ERG: variants seen among roughly 807,000 people sequenced by gnomAD.
The protein encoded by ERG is ETS transcription factor ERG, also known as transcriptional regulator ERG.
ERG carries 9 observed loss-of-function variants against 55.3 expected under a neutral mutation model. The ratio of observed to expected loss-of-function variants is 0.16; its 90% CI spans 0.10 to 0.28. ERG has a LOEUF of 0.28. Ranked by LOEUF, ERG falls within the 10% of genes least tolerant of loss-of-function variation. The pLI is 1.00. For synonymous variants in ERG, 223 were observed against 237.3 expected (o/e 0.94, Z 0.55); for missense variants, 434 against 631.6 (o/e 0.69, Z 3.35).
Position 38,380,882 on chromosome 21 carries a change from G to C in ERG, c.*2521C>G, listed in dbSNP as rs1308993048. ...GAACTGAGTGATTATCCAAGTAAATGTGTATTTCTATGAAGAATGTAGGTG... is the reference window on the plus strand; with the variant it reads ...GAACTGAGTGATTATCCAAGTAAATCTGTATTTCTATGAAGAATGTAGGTG... On this transcript the variant is annotated 3_prime_UTR_variant, in exon 10 of 10. Transcript: ENST00000288319. 4 of 1,064,978 alleles carry C rather than the reference G, an allele frequency of 3.8e-6. No homozygotes were observed. Among genetic ancestry groups the C allele is most frequent in the Non-Finnish European group, 4.6e-6 (4 of 879,108 alleles). 66.0% of individuals were successfully genotyped at this position (1,064,978 alleles called of 1,614,324 possible). A position where few individuals can be genotyped will look rare whatever the true frequency, so the allele number is the denominator to read the frequency against.
At chr21:38,503,333 G>A (rs1000904979), upstream of ERG, among the ~76,000 whole-genome samples, 8 of 150,462 alleles carry the variant, frequency 5.3e-5, no homozygotes, top group African/African-American at 1.7e-4. Flanking sequence ...CCAAATGCCT[G>A]TTCTTTTTTA....
intron 3 of ERG, among the ~76,000 whole-genome samples, chr21:38,411,227 T>C (rs1019598517): frequency 2.0e-5 from 3 of 152,258 alleles, no homozygotes; most frequent in African/African-American, 7.2e-5. Flanking sequence ...ATTTCTAACT[T>C]ATATGTAGAG....
intron 1 of ERG, among the ~76,000 whole-genome samples, chr21:38,632,103 C>A (rs1035750165): frequency 2.0e-5 from 3 of 152,086 alleles, no homozygotes; most frequent in African/African-American, 7.2e-5. Context: ...CAAAGCAGGA[C>A]TCTGTAGCCA....
At chr21:38,654,921 CA>C (rs2060510045) in intron 1 of ERG, among the ~76,000 whole-genome samples, 1 of 148,740 alleles carries the variant, frequency 6.7e-6, no homozygotes, top group Non-Finnish European at 1.5e-5. Context: ...AATGAGAATC[CA>C]TTCAACATAT....
intron 2 of ERG, among the ~76,000 whole-genome samples, chr21:38,436,016 TTTTC>T (rs1990426016): frequency 9.8e-6 from 1 of 102,332 alleles, no homozygotes; most frequent in Non-Finnish European, 2.0e-5. Flanking sequence ...TACTTTCTTT[TTTTC>T]TTTTTTTTTT....
intron 1 of ERG, among the ~76,000 whole-genome samples, chr21:38,629,774 A>G (rs2146955302): frequency 6.6e-6 from 1 of 152,360 alleles, no homozygotes; most frequent in South Asian, 2.1e-4. Flanking sequence ...AAGAATCAAA[A>G]GCAGGAATTC....
intron 1 of ERG, among the ~76,000 whole-genome samples, chr21:38,482,062 G>T (rs2059242977): frequency 6.6e-6 from 1 of 152,210 alleles, no homozygotes; most frequent in African/African-American, 2.4e-5. Context: ...CAGGCTATGG[G>T]TTGCCTGGAA....
At chr21:38,626,113 G>T (rs186324017) in intron 1 of ERG, among the ~76,000 whole-genome samples, 1 of 151,934 alleles carries the variant, frequency 6.6e-6, no homozygotes, top group South Asian at 2.1e-4. Context: ...GTAGAGACAG[G>T]GTTTCACTAT....
At chr21:38,476,751 G>A (rs1265143112) in intron 1 of ERG, among the ~76,000 whole-genome samples, 4 of 152,048 alleles carry the variant, frequency 2.6e-5, no homozygotes, top group African/African-American at 4.8e-5. Flanking sequence ...CCACGTAAAC[G>A]GCCTCTTTCT....
chr21:38,390,309 C>G (rs1987913067), intron 9 of ERG, among the ~76,000 whole-genome samples: 1 of 152,196 alleles, frequency 6.6e-6, no homozygotes, highest in Non-Finnish European at 1.5e-5. Context: ...AATTTGAAGT[C>G]TTGTGGTTGT....
At chr21:38,535,765 C>A (rs1356636621) in intron 2 of ERG, among the ~76,000 whole-genome samples, 2 of 152,110 alleles carry the variant, frequency 1.3e-5, no homozygotes, top group Non-Finnish European at 2.9e-5. Context: ...AATATTTTGC[C>A]ATGTTGATCC....
intron 2 of ERG, among the ~76,000 whole-genome samples, chr21:38,516,066 C>G (rs2059549301): frequency 6.6e-6 from 1 of 152,008 alleles, no homozygotes; most frequent in African/African-American, 2.4e-5. Context: ...CCTCTAAGAA[C>G]TGGAACAAGA....
chr21:38,526,374 T>C (rs2059630569), intron 2 of ERG, among the ~76,000 whole-genome samples: 1 of 152,212 alleles, frequency 6.6e-6, no homozygotes, highest in African/African-American at 2.4e-5. Context: ...ATATTAATCA[T>C]AATTTTGTCT....
At chr21:38,572,711 C>T (rs1455766737) in intron 2 of ERG, among the ~76,000 whole-genome samples, 3 of 152,174 alleles carry the variant, frequency 2.0e-5, no homozygotes, top group Non-Finnish European at 4.4e-5. Flanking sequence ...TCCAAACACA[C>T]AGAAGCCATG....
intron 1 of ERG, among the ~76,000 whole-genome samples, chr21:38,649,166 C>T (rs2836593): frequency 0.19 from 29,208 of 152,192 alleles, 3,148 homozygotes; most frequent in Middle Eastern, 0.32. Flanking sequence ...AGCCATTTCG[C>T]ACCCGCAGAT....
At chr21:38,392,765 T>A (rs12106415) in intron 6 of ERG, among the ~76,000 whole-genome samples, 3,021 of 152,316 alleles carry the variant, frequency 0.02, 91 homozygotes, top group African/African-American at 0.068. Flanking sequence ...CTGCTTCCAC[T>A]GGGACTGATC....
At chr21:38,638,121 C>T (rs145420473) in intron 1 of ERG, among the ~76,000 whole-genome samples, 8 of 152,332 alleles carry the variant, frequency 5.3e-5, no homozygotes, top group African/African-American at 1.9e-4. Context: ...TGTGAAACTC[C>T]TCCGATCTGG....
chr21:38,631,348 A>G (rs552022899), intron 1 of ERG, among the ~76,000 whole-genome samples: 1 of 152,310 alleles, frequency 6.6e-6, no homozygotes, highest in Non-Finnish European at 1.5e-5. Context: ...TATGAGTCAC[A>G]GAAAATTTGG....
intron 1 of ERG, among the ~76,000 whole-genome samples, chr21:38,470,108 A>T (rs1233754143): frequency 6.6e-6 from 1 of 152,186 alleles, no homozygotes; most frequent in Non-Finnish European, 1.5e-5. Context: ...ATGGATACAC[A>T]TCTAGTTACT....
Sources: gnomAD v4.1 joint callset for allele counts (sites outside exome capture counted in the v4.1 genomes callset) on GRCh38, gnomAD v4.1.1 for gene constraint, MANE v1.5 for transcripts, NCBI Gene and HGNC (gene_info 2026-07-23, HGNC 2026-07-21) for gene names.